RRP12: variants seen among roughly 807,000 people sequenced by gnomAD.
The protein encoded by RRP12 is ribosomal RNA processing 12 homolog.
In RRP12, 78 loss-of-function variants were observed where a neutral mutation model predicts 157.3. The observed-to-expected ratio is 0.50, with a 90% CI of 0.41 to 0.60. RRP12 has a LOEUF of 0.60. RRP12 is among the 20% of genes least tolerant of loss of function. The pLI is 0.00. For synonymous variants in RRP12, 726 were observed against 670.9 expected (o/e 1.08, Z -1.27); for missense variants, 1,521 against 1,679.9 (o/e 0.91, Z 1.65).
In RRP12 at chr10:97,400,521, C is replaced by A. The variant is rs1445580001; in HGVS notation, c.153G>T (p.Leu51=). Residue 51 remains leucine, a synonymous_variant, in exon 2 of 34, where the codon CTG becomes CTT. Coordinates refer to ENST00000370992, the MANE Select transcript of RRP12 (RefSeq NM_015179.4). The part of the protein sequence containing the change: ...FFSRPSGRSD[L]TVDAVKLHNE... ...TATGTAACTTCACAGCATCGACTGT[C>A]AGGTCACTCCTTCCTGAGAGCCAGA... The A allele has an allele frequency of 6.2e-7, 1 of 1,613,694 alleles. No individual in the cohort carries two copies. The highest frequency in any genetic ancestry group is 2.2e-5 in the East Asian group (1 of 44,882).
At chr10:97,387,337 T>TC (rs1464839175) in intron 8 of RRP12, among the ~76,000 whole-genome samples, 1 of 144,406 alleles carries the variant, frequency 6.9e-6, no homozygotes, top group Non-Finnish European at 1.5e-5. Context: ...TCTTTTTCCT[T>TC]TTTTTTTTTT....
intron 24 of RRP12, 77 bp from the exon 25 acceptor site, chr10:97,369,659 C>A: frequency 7.0e-7 from 1 of 1,424,874 alleles, no homozygotes; most frequent in East Asian, 2.5e-5. Context: ...TGGAAAACAG[C>A]CACTCAAGTG....
At chr10:97,378,912 A>G (rs1484454538) in intron 15 of RRP12, among the ~76,000 whole-genome samples, 1 of 152,240 alleles carries the variant, frequency 6.6e-6, no homozygotes, top group Non-Finnish European at 1.5e-5. Context: ...GAAGTATATA[A>G]AAGTATATAT....
intron 2 of RRP12, 116 bp downstream of exon 2, chr10:97,400,189 C>T (rs1406776998): frequency 9.1e-6 from 7 of 772,166 alleles, no homozygotes; most frequent in African/African-American, 5.2e-5. Flanking sequence ...GGAGCGATGA[C>T]GCATCATCCA....
In RRP12 at chr10:97,366,225, G is replaced by C; in HGVS notation, c.3400C>G (p.Pro1134Ala). ...KVAQRVLATQPGPGRGRKKDH... is the reference protein window; with the variant it reads ...KVAQRVLATQAGPGRGRKKDH... Reference sequence around the variant, plus strand: ...TTCTTCCTGCCCCGGCCTGGCCCTGGCTGCGTGGCTGGGGTGTAGAGTTTG... The same window carrying C: ...TTCTTCCTGCCCCGGCCTGGCCCTGCCTGCGTGGCTGGGGTGTAGAGTTTG... The change falls in exon 29 of 34, where the codon CCA (proline) becomes GCA (alanine). Residue 1134 changes from proline (P) to alanine (A), a missense_variant. Transcript: ENST00000370992. 6.2e-7 allele frequency: 1 copy of C among 1,611,526 alleles called. No individual in the cohort carries two copies. Among genetic ancestry groups the C allele is most frequent in the Non-Finnish European group, 8.5e-7 (1 of 1,179,958 alleles).
At chr10:97,376,830 G>A (rs1331054853) in intron 15 of RRP12, among the ~76,000 whole-genome samples, 1 of 151,584 alleles carries the variant, frequency 6.6e-6, no homozygotes, top group Non-Finnish European at 1.5e-5. Flanking sequence ...AACTTTTTGT[G>A]CAAAAGGACC....
At chr10:97,387,030 G>C (rs181150540) in intron 8 of RRP12, among the ~76,000 whole-genome samples, 3 of 151,896 alleles carry the variant, frequency 2.0e-5, no homozygotes, top group Admixed American at 6.6e-5. Context: ...GTTGGCGGGG[G>C]TATCTGTGGG....
chr10:97,376,403 C>T (rs191733381), intron 15 of RRP12, among the ~76,000 whole-genome samples: 11 of 151,476 alleles, frequency 7.3e-5, no homozygotes, highest in East Asian at 3.9e-4. Flanking sequence ...TTAGTAGAGA[C>T]GGGGTTTCTC....
Position 97,373,102 on chromosome 10 carries a change from G to C in RRP12, c.2125C>G (p.Pro709Ala), listed in dbSNP as rs760196069. 1.2e-6 allele frequency: 2 copies of C among 1,614,136 alleles called. No individual in the cohort carries two copies. The highest frequency in any genetic ancestry group is 2.7e-5 in the African/African-American group (2 of 75,054). The change falls in exon 18 of 34, where the codon CCT becomes GCT. Residue 709 changes from proline to alanine, a missense_variant. Pro to Ala is a conservative substitution (Grantham distance 27). Transcript: ENST00000370992. ...QPVAAGDTPA[P>A]RRAVLETIRT... is the part of the protein sequence containing the mutation. ...ATGGTTTCCAGCACAGCCCGGCGAG[G>C]GGCTGGAGTGTCCCCGGCTGCCACG...
chr10:97,372,789 G>C lies in RRP12; in HGVS notation c.2196C>G (p.Leu732=). Residue 732 remains leucine, a synonymous_variant, in exon 19 of 34, where the codon CTC becomes CTG. Coordinates refer to ENST00000370992, the MANE Select transcript of RRP12 (RefSeq NM_015179.4). ...TITDTQLVNS[L]LEKASEKVLD... is the part of the protein sequence containing the mutation. ...GCACCTTCTCACTGGCTTTTTCCAG[G>C]AGACTGTTCACCAACTTGTGGCCCC... 6.4e-7 allele frequency: 1 copy of C among 1,563,166 alleles called. No individual in the cohort carries two copies. Among genetic ancestry groups the C allele is most frequent in the South Asian group, 1.2e-5 (1 of 84,946 alleles).
chr10:97,401,010 TCTCCC>T, intron 1 of RRP12, 78 bp downstream of exon 1: 3 of 1,521,544 alleles, frequency 2.0e-6, no homozygotes, highest in Non-Finnish European at 2.7e-6. Context: ...GGCCCCGCAC[TCTCCC>T]AGAGGCCCCA....
intron 31 of RRP12, 86 bp downstream of exon 31, chr10:97,360,460 G>A (rs1448086645): frequency 8.2e-6 from 9 of 1,094,246 alleles, no homozygotes; most frequent in Non-Finnish European, 1.3e-5. Context: ...CACCCTCATG[G>A]CCCTGCCACC....
At chr10:97,375,037 C>T (rs969259275) in intron 15 of RRP12, among the ~76,000 whole-genome samples, 4 of 152,080 alleles carry the variant, frequency 2.6e-5, no homozygotes, top group African/African-American at 7.2e-5. Flanking sequence ...CGTGTCTGTT[C>T]GACTCACCAT....
chr10:97,400,253 A>ATGAGTTGG, intron 2 of RRP12, 52 bp downstream of exon 2: 1 of 1,354,576 alleles, frequency 7.4e-7, no homozygotes, highest in Non-Finnish European at 1.1e-6. Flanking sequence ...AAGAAAAGGC[A>ATGAGTTGG]TGAGTTGGCC....
chr10:97,386,087 C>T (rs1844623950), intron 8 of RRP12, 94 bp from the exon 9 acceptor site: 6 of 740,270 alleles, frequency 8.1e-6, no homozygotes, highest in Non-Finnish European at 1.4e-5. Context: ...GAGTTGAGGG[C>T]CCCCTGAACC....
chr10:97,393,892 C>T, intron 3 of RRP12, 132 bp from the exon 4 acceptor site: 1 of 674,468 alleles, frequency 1.5e-6, no homozygotes, highest in Admixed American at 2.7e-5. Context: ...CAGATCCTGA[C>T]TCTGGCATTG....
In RRP12 at chr10:97,367,050, C is replaced by A; in HGVS notation, c.3038G>T (p.Arg1013Leu). 2 of 1,614,152 alleles carry A rather than the reference C, an allele frequency of 1.2e-6. No homozygotes were observed. Among genetic ancestry groups the A allele is most frequent in the South Asian group, 2.2e-5 (2 of 91,090 alleles). ...TGCTCAGTGCACAGACCCAAACTTGCGGATGAACTTGGTGAACAGGTTCCG... is the reference window on the plus strand; with the variant it reads ...TGCTCAGTGCACAGACCCAAACTTGAGGATGAACTTGGTGAACAGGTTCCG... ...KLRNLFTKFI[R>L]KFGFELVKRL... Residue 1013 changes from arginine (R) to leucine (L), a missense_variant, in exon 26 of 34, where the codon CGC (arginine) becomes CTC (leucine). Transcript: ENST00000370992.
chr10:97,362,254 C>A (rs542405400), intron 30 of RRP12, among the ~76,000 whole-genome samples: 1 of 152,134 alleles, frequency 6.6e-6, no homozygotes, highest in Non-Finnish European at 1.5e-5. Context: ...CCGCTCTGCC[C>A]GGGGCAGTGG....
At chr10:97,379,198 G>A (rs1394815595) in intron 15 of RRP12, 95 bp downstream of exon 15, 1 of 1,407,526 alleles carries the variant, frequency 7.1e-7, no homozygotes, top group Admixed American at 1.8e-5. Context: ...TTGAAGGCTG[G>A]GTGTGTGGGA....
Sources: gnomAD v4.1 joint callset for allele counts (sites outside exome capture counted in the v4.1 genomes callset) on GRCh38, gnomAD v4.1.1 for gene constraint, MANE v1.5 for transcripts, NCBI Gene and HGNC (gene_info 2026-07-23, HGNC 2026-07-21) for gene names.